The following SHROOM3 variants were observed in gnomAD, a reference collection of about 807,000 sequenced individuals.
SHROOM3 encodes protein Shroom3.
SHROOM3 carries 47 observed loss-of-function variants against 138.6 expected under a neutral mutation model. The ratio of observed to expected loss-of-function variants is 0.34; its 90% CI spans 0.27 to 0.43. The LOEUF is 0.43. Among genes scored for constraint, SHROOM3 ranks in the 20% least tolerant of loss-of-function variants. The pLI is 1.00. For synonymous variants in SHROOM3, 1,062 were observed against 1,063.3 expected, an observed-to-expected ratio of 1.00 and a Z score of 0.02; for missense variants, 2,491 against 2,596.5, an observed-to-expected ratio of 0.96 and a Z score of 0.88.
intron 2 of SHROOM3, among the ~76,000 whole-genome samples, chr4:76,584,178 C>T (rs764488494): frequency 8.5e-5 from 13 of 152,102 alleles, no homozygotes; most frequent in Non-Finnish European, 1.6e-4. Flanking sequence ...ATTAGCCAGG[C>T]GTGGTGGCAC....
At chr4:76,630,504 C>A (rs527983833) in intron 2 of SHROOM3, among the ~76,000 whole-genome samples, 1 of 152,328 alleles carries the variant, frequency 6.6e-6, no homozygotes, top group African/African-American at 2.4e-5. Flanking sequence ...GTCTAGCAGA[C>A]CTGCCCTTTG....
At chr4:76,689,317 A>T (rs1719428214) in intron 2 of SHROOM3, among the ~76,000 whole-genome samples, 1 of 139,688 alleles carries the variant, frequency 7.2e-6, no homozygotes, top group Non-Finnish European at 1.6e-5. Context: ...CTCCCGGGCC[A>T]ATCCGGGAGG....
intron 3 of SHROOM3, among the ~76,000 whole-genome samples, chr4:76,715,200 G>A (rs1720339185): frequency 6.6e-6 from 1 of 152,130 alleles, no homozygotes; most frequent in South Asian, 2.1e-4. Flanking sequence ...TATATTCATA[G>A]CTCCTTCATT....
chr4:76,652,878 CT>C (rs1408962451), intron 2 of SHROOM3, among the ~76,000 whole-genome samples: 1 of 151,640 alleles, frequency 6.6e-6, no homozygotes, highest in Non-Finnish European at 1.5e-5. Context: ...AGCTGGTGAG[CT>C]AATATATGTT....
chr4:76,689,825 G>C, intron 2 of SHROOM3: 1 of 902,320 alleles, frequency 1.1e-6, no homozygotes, highest in Middle Eastern at 5.7e-4. Context: ...ATGGCTCCCA[G>C]GGGCTTTCAC....
intron 1 of SHROOM3, among the ~76,000 whole-genome samples, chr4:76,548,125 G>A (rs914730203): frequency 7.9e-4 from 121 of 152,320 alleles, no homozygotes; most frequent in African/African-American, 2.7e-3. Context: ...TTCCCTGGGG[G>A]AAAAGCATTC....
intron 6 of SHROOM3, among the ~76,000 whole-genome samples, chr4:76,752,343 T>C (rs1344407819): frequency 6.6e-6 from 1 of 152,182 alleles, no homozygotes; most frequent in Non-Finnish European, 1.5e-5. Flanking sequence ...AGTTTTAGGT[T>C]TGCAAGTTGT....
chr4:76,489,029 T>G (rs1560522033), intron 1 of SHROOM3, among the ~76,000 whole-genome samples: 2 of 152,172 alleles, frequency 1.3e-5, no homozygotes. Context: ...CTGAATATGG[T>G]GCCTAGCCAG....
chr4:76,738,666 T>C (rs983061862), intron 4 of SHROOM3, 95 bp from the exon 5 acceptor site: 1 of 1,471,976 alleles, frequency 6.8e-7, no homozygotes, highest in African/African-American at 1.4e-5. Context: ...ACCAAACCTC[T>C]TGCACAAGAG....
At chr4:76,694,145 A>G (rs934517520) in intron 2 of SHROOM3, among the ~76,000 whole-genome samples, 1 of 152,248 alleles carries the variant, frequency 6.6e-6, no homozygotes, top group African/African-American at 2.4e-5. Flanking sequence ...GCCAACTCCA[A>G]GTGAGGCATT....
chr4:76,534,540 A>AAT (rs10682235), intron 1 of SHROOM3, among the ~76,000 whole-genome samples: 102,374 of 151,790 alleles, frequency 0.67, 34,905 homozygotes, highest in East Asian at 0.94. Flanking sequence ...ATACAAAAAA[A>AAT]GTAGTCTGAT....
intron 1 of SHROOM3, among the ~76,000 whole-genome samples, chr4:76,436,641 G>C (rs1730570447): frequency 6.6e-6 from 1 of 152,078 alleles, no homozygotes; most frequent in Non-Finnish European, 1.5e-5. Context: ...TTATAATTCT[G>C]GATAATAGAT....
chr4:76,740,615 C>G lies in SHROOM3; in HGVS notation c.2442C>G (p.Thr814=), dbSNP rs149703148. ...GCCATAACTATAGGCCCCACAGGAC[C>G]GTCTCAACTTCCAGTACTTCTGGGA... is the stretch of plus-strand genomic sequence containing the variant. The part of the protein sequence containing the change: ...GFGHNYRPHR[T]VSTSSTSGND... The change falls in exon 5 of 11, where the codon ACC becomes ACG. Residue 814 remains threonine (T), a synonymous_variant. Transcript: ENST00000296043. This position sits in a 1 kb window ranked among gnomAD's most constrained non-coding sequence, Gnocchi z 4.0. The G allele has an allele frequency of 1.9e-6, 3 of 1,614,052 alleles. No homozygotes were observed. Among genetic ancestry groups the G allele is most frequent in the African/African-American group, 2.7e-5 (2 of 74,930 alleles).
chr4:76,502,168 C>T lies in SHROOM3; in HGVS notation c.169-53441C>T, dbSNP rs148373201. 1.5e-3 allele frequency among the ~76,000 whole-genome samples: 231 copies of T among 152,226 alleles called. 1 individual carries two copies. Among genetic ancestry groups the T allele is most frequent in the East Asian group, 0.014 (73 of 5,170 alleles). On this transcript the variant is annotated intron_variant, in intron 1 of 10. Coordinates refer to ENST00000296043, the MANE Select transcript of SHROOM3 (RefSeq NM_020859.4). ...CCGTCTCGGGACTCTCCAGAGTCCC[C>T]GCCATCAAGAAAGCCCTCACCGGAT...
chr4:76,755,080 C>G lies in SHROOM3; in HGVS notation c.4597C>G (p.Pro1533Ala). ...FEPLPPPPPP[P>A]PSQETPVYSM... The stretch of plus-strand genomic sequence containing the variant: ...ACCTCTTCCCCCACCCCCACCTCCT[C>G]CACCGAGTCAGGAAACCCCGGTGTA... The change falls in exon 7 of 11, where the codon CCA becomes GCA. Residue 1533 changes from proline to alanine, a missense_variant. This residue lies in a region of SHROOM3 where 470 missense variants were observed against 595.0 expected (regional missense o/e 0.79). Transcript: ENST00000296043. The G allele has an allele frequency of 6.3e-7, 1 of 1,597,882 alleles. No individual in the cohort carries two copies. The highest frequency in any genetic ancestry group is 1.1e-5 in the South Asian group (1 of 89,296).
intron 6 of SHROOM3, among the ~76,000 whole-genome samples, chr4:76,749,593 C>T (rs1045452759): frequency 2.0e-5 from 3 of 152,116 alleles, no homozygotes; most frequent in African/African-American, 7.2e-5. Context: ...GACCACAGTG[C>T]TAGGGAAGAA....
intron 2 of SHROOM3, among the ~76,000 whole-genome samples, chr4:76,579,160 CAG>C (rs1229254720): frequency 3.3e-5 from 5 of 152,092 alleles, no homozygotes; most frequent in Admixed American, 6.6e-5. Flanking sequence ...GCCTGGGCGA[CAG>C]AGTGTCTCAA....
chr4:76,661,420 C>T (rs1046364590), intron 2 of SHROOM3, among the ~76,000 whole-genome samples: 3 of 151,928 alleles, frequency 2.0e-5, no homozygotes, highest in Admixed American at 2.0e-4. Context: ...TTAGTAGAGA[C>T]GGGGTTTCAC....
chr4:76,546,290 C>A (rs1010239456), intron 1 of SHROOM3, among the ~76,000 whole-genome samples: 1 of 152,104 alleles, frequency 6.6e-6, no homozygotes, highest in Admixed American at 6.5e-5. Flanking sequence ...ACCCCATTTA[C>A]GACCCCAAAT....
Sources: allele counts gnomAD v4.1 joint callset (sites outside exome capture counted in the v4.1 genomes callset), GRCh38; gene constraint gnomAD v4.1.1; regional missense constraint gnomAD v4.1.1; non-coding constraint Gnocchi (gnomAD v3.1); transcripts MANE v1.5; gene names NCBI Gene and HGNC (gene_info 2026-07-23, HGNC 2026-07-21).